RELN: variants seen among roughly 807,000 people sequenced by gnomAD.
RELN encodes the protein reelin.
RELN carries 108 observed loss-of-function variants against 427.6 expected under a neutral mutation model. That is an observed-to-expected ratio of 0.25 (90% CI 0.22 to 0.30). RELN has a LOEUF of 0.30. Among genes scored for constraint, RELN ranks in the 10% least tolerant of loss-of-function variants. RELN has a pLI of 1.00. For missense variants in RELN, 3,715 were observed against 4,302.8 expected (o/e 0.86, Z 3.82); for synonymous variants, 1,524 against 1,513.4 (o/e 1.01, Z -0.16).
chr7:103,917,302 T>C (rs982084781), intron 1 of RELN, 117 bp from the exon 2 acceptor site: 3 of 787,536 alleles, frequency 3.8e-6, no homozygotes, highest in African/African-American at 3.5e-5. Flanking sequence ...ATTTTTATAC[T>C]ATACCTAGTT....
intron 57 of RELN, among the ~76,000 whole-genome samples, chr7:103,492,252 A>ACTT (rs1828698793): frequency 6.6e-6 from 1 of 152,238 alleles, no homozygotes; most frequent in South Asian, 2.1e-4. Context: ...ATTTCTATGT[A>ACTT]CTAAATTAGT....
intron 3 of RELN, among the ~76,000 whole-genome samples, chr7:103,806,569 C>T (rs1792605470): frequency 6.6e-6 from 1 of 152,106 alleles, no homozygotes; most frequent in South Asian, 2.1e-4. Context: ...AAGTGATCCA[C>T]CCACCTCAGC....
chr7:103,765,440 C>T (rs1010405402), intron 4 of RELN, among the ~76,000 whole-genome samples: 1 of 151,908 alleles, frequency 6.6e-6, no homozygotes, highest in Non-Finnish European at 1.5e-5. Context: ...TCACATATGC[C>T]CACTGGGGAT....
chr7:103,672,656 C>T (rs1173111737), intron 11 of RELN, among the ~76,000 whole-genome samples: 2 of 151,604 alleles, frequency 1.3e-5, no homozygotes, highest in Non-Finnish European at 2.9e-5. Context: ...ATTTTTTTTC[C>T]CAATAATATA....
intron 46 of RELN, among the ~76,000 whole-genome samples, chr7:103,533,305 T>A (rs1829980102): frequency 6.6e-6 from 1 of 152,256 alleles, no homozygotes. Flanking sequence ...TCTGGCCTGC[T>A]TAATAAACAT....
chr7:103,485,162 G>C (rs1331952784), intron 61 of RELN, among the ~76,000 whole-genome samples: 1 of 142,250 alleles, frequency 7.0e-6, no homozygotes, highest in Non-Finnish European at 1.5e-5. Flanking sequence ...CCTAGTTGCA[G>C]CTATATATGA....
chr7:103,749,494 A>G lies in RELN; in HGVS notation c.588T>C (p.His196=), dbSNP rs777927953. ...VTVHPHLAEI[H]SDSIILRDDF... ...CATCTCTCAGGATAATGCTGTCACT[A>G]TGTATTTCAGCTAAAAGAAAAAGGA... Residue 196 remains histidine, a synonymous_variant, in exon 6 of 65, where the codon CAT becomes CAC. Transcript: ENST00000428762. 7 of 1,611,752 alleles carry G rather than the reference A, an allele frequency of 4.3e-6. No individual in the cohort carries two copies. Among genetic ancestry groups the G allele is most frequent in the South Asian group, 3.3e-5 (3 of 91,040 alleles).
intron 20 of RELN, among the ~76,000 whole-genome samples, chr7:103,622,035 T>C (rs565134933): frequency 5.2e-4 from 79 of 152,044 alleles, no homozygotes; most frequent in African/African-American, 1.8e-3. Flanking sequence ...AAAATAAAAA[T>C]AATTGTCTCA....
chr7:103,833,841 C>A lies in RELN; in HGVS notation c.338-169G>T, dbSNP rs188999957. On this transcript the variant is annotated intron_variant, in intron 2 of 64. Transcript: ENST00000428762. ...TTTTTATTGCTACAGGGAAATTAAT[C>A]ACTTAAAATATTATGGTTAAAGGAG... Among the ~76,000 whole-genome samples the A allele has an allele frequency of 1.6e-3, 237 of 152,250 alleles. 1 individual carries two copies. Among genetic ancestry groups the A allele is most frequent in the Non-Finnish European group, 2.9e-3 (196 of 68,018 alleles).
intron 24 of RELN, among the ~76,000 whole-genome samples, chr7:103,599,495 C>T (rs1310846112): frequency 6.6e-6 from 1 of 152,134 alleles, no homozygotes; most frequent in Non-Finnish European, 1.5e-5. Flanking sequence ...GCATGACATG[C>T]ATTTCTGAGC....
At position 103,500,788 on chromosome 7, in the gene RELN, G is replaced by C. The variant is rs761738403; in HGVS notation, c.8624C>G (p.Pro2875Arg). The C allele has an allele frequency of 1.2e-6, 2 of 1,613,914 alleles. No homozygotes were observed. Among genetic ancestry groups the C allele is most frequent in the African/African-American group, 1.3e-5 (1 of 74,876 alleles). Residue 2875 changes from proline (P) to arginine (R), a missense_variant, in exon 53 of 65, where the codon CCG becomes CGG. This residue lies in a region of RELN where 1,310 missense variants were observed against 1,643.0 expected (regional missense o/e 0.80). Coordinates refer to ENST00000428762, the MANE Select transcript of RELN (RefSeq NM_005045.4). ...GTAGCAGTTTGGCCCTGAGTATCCC[G>C]GATCACAGATGCACTGTTCCCTTAA... Reference protein sequence around the residue: ...DCLREQCICDPGYSGPNCYLT... With the variant: ...DCLREQCICDRGYSGPNCYLT...
intron 5 of RELN, among the ~76,000 whole-genome samples, chr7:103,750,151 TA>T (rs1364134200): frequency 6.6e-6 from 1 of 152,176 alleles, no homozygotes; most frequent in Non-Finnish European, 1.5e-5. Context: ...GGCTAATTTT[TA>T]TATTTTTAGT....
intron 24 of RELN, among the ~76,000 whole-genome samples, chr7:103,600,454 C>A (rs1831639228): frequency 6.6e-6 from 1 of 152,144 alleles, no homozygotes; most frequent in Non-Finnish European, 1.5e-5. Flanking sequence ...AGCCCTGTGG[C>A]TGTGGTTCCA....
At chr7:103,790,814 C>G (rs1447628477) in intron 3 of RELN, among the ~76,000 whole-genome samples, 2 of 151,830 alleles carry the variant, frequency 1.3e-5, no homozygotes, top group African/African-American at 4.8e-5. Context: ...ATACAAAAAT[C>G]AGCCAGGTGT....
intron 16 of RELN, among the ~76,000 whole-genome samples, chr7:103,645,528 G>T (rs113753262): frequency 4.6e-5 from 7 of 151,660 alleles, no homozygotes; most frequent in African/African-American, 1.7e-4. Flanking sequence ...AAAAAAATAA[G>T]ACAAACATTA....
At chr7:103,920,822 C>T (rs182057986) in intron 1 of RELN, among the ~76,000 whole-genome samples, 5 of 152,250 alleles carry the variant, frequency 3.3e-5, no homozygotes, top group African/African-American at 7.2e-5. Flanking sequence ...GATCCACCTG[C>T]CTCAGCCTCC....
chr7:103,944,430 C>T (rs1796179296), intron 1 of RELN, among the ~76,000 whole-genome samples: 1 of 152,054 alleles, frequency 6.6e-6, no homozygotes, highest in South Asian at 2.1e-4. Context: ...GACTTGCAGG[C>T]CCAGAGACAG....
intron 3 of RELN, among the ~76,000 whole-genome samples, chr7:103,782,525 A>G (rs1459995234): frequency 6.6e-6 from 1 of 152,150 alleles, no homozygotes; most frequent in African/African-American, 2.4e-5. Context: ...ACCTAAATAG[A>G]TTTCAAGCTT....
Position 103,522,207 on chromosome 7 carries a change from C to A in RELN, c.7491-8G>T, listed in dbSNP as rs1341556899. The A allele has an allele frequency of 6.2e-7, 1 of 1,613,516 alleles. No homozygotes were observed. The highest frequency in any genetic ancestry group is 8.5e-7 in the Non-Finnish European group (1 of 1,179,850). On this transcript the variant is annotated splice_region_variant and splice_polypyrimidine_tract_variant and intron_variant, in intron 47 of 64. Transcript: ENST00000428762. ...CCCCACTGTTCATCACAGCTGGGTG[C>A]AGAGCAAGAGAGAGGAAAAGTCAAC...
Sources: gnomAD v4.1 joint callset for allele counts (sites outside exome capture counted in the v4.1 genomes callset) on GRCh38, gnomAD v4.1.1 for gene constraint, gnomAD v4.1.1 regional missense constraint, MANE v1.5 for transcripts, NCBI Gene and HGNC (gene_info 2026-07-23, HGNC 2026-07-21) for gene names.